The following COL15A1 variants were observed in gnomAD, a reference collection of about 807,000 sequenced individuals.
COL15A1 encodes the protein collagen type XV alpha 1 chain.
Under a neutral mutation model 165.9 loss-of-function variants are expected in COL15A1, and 111 were observed. The observed-to-expected ratio is 0.67, with a 90% CI of 0.57 to 0.78. The LOEUF (loss-of-function observed/expected upper bound fraction) is 0.78. Among genes scored for constraint, COL15A1 ranks in the 30% least tolerant of loss-of-function variants. The pLI is 0.00. For missense variants in COL15A1, 1,745 were observed against 1,789.7 expected (o/e 0.98, Z 0.45); for synonymous variants, 659 against 674.8 (o/e 0.98, Z 0.36).
intron 2 of COL15A1, among the ~76,000 whole-genome samples, chr9:98,959,978 C>T (rs956337786): frequency 8.5e-5 from 13 of 152,186 alleles, no homozygotes; most frequent in African/African-American, 2.7e-4. Context: ...TGCATGTTCC[C>T]TTCTCCAAGC....
chr9:98,963,637 G>A (rs4742750), intron 2 of COL15A1, among the ~76,000 whole-genome samples: 24,304 of 152,148 alleles, frequency 0.16, 2,074 homozygotes, highest in African/African-American at 0.19. Context: ...TTTAAATCCT[G>A]GTTCAACACT....
chr9:99,004,799 G>A, intron 8 of COL15A1, 99 bp from the exon 9 acceptor site: 1 of 1,327,784 alleles, frequency 7.5e-7, no homozygotes, highest in Non-Finnish European at 1.1e-6. Context: ...GTCTTGGTGT[G>A]CAGGTGCTTT....
rs1837536867 is a variant in COL15A1 at position 98,944,235 on chromosome 9, A to C, written c.85A>C (p.Thr29Pro). ...CACGCCCCTCCCTGCTGTCACCCAGACCCGCGGTGCGACAGGTAAGCAACC... is the reference window on the plus strand; with the variant it reads ...CACGCCCCTCCCTGCTGTCACCCAGCCCCGCGGTGCGACAGGTAAGCAACC... The part of the protein sequence containing the change: ...VSTPLPAVTQ[T>P]RGATETASQG... The change falls in exon 2 of 42, where the codon ACC (threonine) becomes CCC (proline). Residue 29 changes from threonine to proline, a missense_variant. Coordinates refer to ENST00000375001, the MANE Select transcript of COL15A1 (RefSeq NM_001855.5). 3 of 1,613,528 alleles carry C rather than the reference A, an allele frequency of 1.9e-6. No individual in the cohort carries two copies. In the South Asian group the frequency reaches 3.3e-5, roughly 18 times the overall value.
At chr9:99,058,015 G>T (rs1263701586) in intron 35 of COL15A1, among the ~76,000 whole-genome samples, 1 of 152,146 alleles carries the variant, frequency 6.6e-6, no homozygotes, top group Non-Finnish European at 1.5e-5. Flanking sequence ...TAGATAAACA[G>T]CTGGACCTCA....
intron 11 of COL15A1, among the ~76,000 whole-genome samples, chr9:99,018,997 C>A (rs1422895450): frequency 6.6e-6 from 1 of 152,018 alleles, no homozygotes; most frequent in Non-Finnish European, 1.5e-5. Flanking sequence ...GAGACAGACA[C>A]AGAGAGAGTT....
chr9:99,000,720 T>C (rs1351707178), intron 6 of COL15A1, 119 bp from the exon 7 acceptor site: 1 of 673,836 alleles, frequency 1.5e-6, no homozygotes, highest in African/African-American at 1.8e-5. Flanking sequence ...TTTTTCCCCC[T>C]CTTGACCCTG....
intron 9 of COL15A1, among the ~76,000 whole-genome samples, chr9:99,009,217 G>A (rs1257173790): frequency 6.6e-6 from 1 of 152,192 alleles, no homozygotes; most frequent in African/African-American, 2.4e-5. Flanking sequence ...AACAACTGTG[G>A]ATGACAAAAG....
Position 99,061,966 on chromosome 9 carries a change from G to T in COL15A1, c.3403-5G>T, listed in dbSNP as rs1263190539. On this transcript the variant is annotated splice_polypyrimidine_tract_variant and splice_region_variant and intron_variant, in intron 36 of 41. Transcript: ENST00000375001. ...GCAGTGTTTGGAATTTAAATGATCT[G>T]ACAGGTCACAGCATTCAGCAACATG... 1.9e-6 allele frequency: 3 copies of T among 1,609,554 alleles called. No homozygotes were observed. The highest frequency in any genetic ancestry group is 2.5e-6 in the Non-Finnish European group (3 of 1,178,624).
Position 98,976,591 on chromosome 9 carries a change from T to C in COL15A1, c.101-8974T>C, listed in dbSNP as rs113683958. Among the ~76,000 whole-genome samples, 213 of 152,262 alleles carry C rather than the reference T, an allele frequency of 1.4e-3. 1 individual carries two copies. Among genetic ancestry groups the C allele is most frequent in the African/African-American group, 5.0e-3 (206 of 41,556 alleles). ...CATGCAGTGAGGTCACTGTTGGATG[T>C]CAGACTGGAGCCCGACCTCAGTGAC... is the stretch of plus-strand genomic sequence containing the variant. On this transcript the variant is annotated intron_variant, in intron 2 of 41. Transcript: ENST00000375001.
chr9:98,960,643 T>A (rs768674567), intron 2 of COL15A1, among the ~76,000 whole-genome samples: 7 of 152,194 alleles, frequency 4.6e-5, no homozygotes, highest in Non-Finnish European at 1.0e-4. Flanking sequence ...AGGCTCTGCA[T>A]GTATCAGTTG....
At chr9:98,984,735 A>G (rs1420901864) in intron 2 of COL15A1, among the ~76,000 whole-genome samples, 1 of 152,176 alleles carries the variant, frequency 6.6e-6, no homozygotes, top group African/African-American at 2.4e-5. Flanking sequence ...TTCCCTGCAC[A>G]CTCAGAGGCA....
In COL15A1 at chr9:99,020,440, A is replaced by G. The variant is rs1218817488; in HGVS notation, c.1699A>G (p.Lys567Glu). ...MKGQAGPKGE[K>E]GDAGEELPGP... is the part of the protein sequence containing the mutation. The stretch of plus-strand genomic sequence containing the variant: ...AGGACAGGCTGGGCCCAAAGGAGAA[A>G]AGGTTTGTGCTGTGACCATCCTGGG... The change falls in exon 12 of 42, where the codon AAG becomes GAG. Residue 567 changes from lysine (K) to glutamate (E), a missense_variant and splice_region_variant. Lys to Glu is a moderately conservative substitution (Grantham distance 56). Coordinates refer to ENST00000375001, the MANE Select transcript of COL15A1 (RefSeq NM_001855.5). 5 of 1,610,242 alleles carry G rather than the reference A, an allele frequency of 3.1e-6. No individual in the cohort carries two copies. The highest frequency in any genetic ancestry group is 4.3e-6 in the Non-Finnish European group (5 of 1,176,444).
intron 5 of COL15A1, among the ~76,000 whole-genome samples, chr9:98,992,269 C>A (rs908770910): frequency 3.3e-5 from 5 of 152,256 alleles, no homozygotes; most frequent in African/African-American, 1.2e-4. Flanking sequence ...CGGCTGAGGC[C>A]CAGTGAGAAT....
chr9:98,969,344 C>T (rs75906826), intron 2 of COL15A1, among the ~76,000 whole-genome samples: 2,287 of 152,310 alleles, frequency 0.015, 143 homozygotes, highest in East Asian at 0.11. Context: ...AAAACTCTCT[C>T]CTGAAGTAGG....
intron 12 of COL15A1, among the ~76,000 whole-genome samples, chr9:99,021,344 G>A (rs1356272385): frequency 2.4e-5 from 3 of 124,002 alleles, no homozygotes; most frequent in African/African-American, 3.5e-5. Context: ...CTACCTCAGT[G>A]GACTTCAGAT....
intron 15 of COL15A1, among the ~76,000 whole-genome samples, 199 bp from the exon 16 acceptor site, chr9:99,025,704 TG>T (rs1004342934): frequency 6.6e-6 from 1 of 151,884 alleles, no homozygotes; most frequent in Non-Finnish European, 1.5e-5. Context: ...ATCCAGAGAG[TG>T]AAGGACAGTT....
chr9:99,008,856 T>A (rs1352639951), intron 9 of COL15A1, among the ~76,000 whole-genome samples: 1 of 152,188 alleles, frequency 6.6e-6, no homozygotes, highest in African/African-American at 2.4e-5. Context: ...ATGATCCACC[T>A]GCCTCAGCCT....
intron 14 of COL15A1, among the ~76,000 whole-genome samples, chr9:99,024,451 A>AT (rs1460472580): frequency 1.3e-5 from 2 of 151,686 alleles, no homozygotes; most frequent in Non-Finnish European, 2.9e-5. Context: ...CGCCCGGCTA[A>AT]TTTTTTGTAT....
intron 2 of COL15A1, among the ~76,000 whole-genome samples, chr9:98,971,562 A>G (rs1179285131): frequency 6.6e-6 from 1 of 152,060 alleles, no homozygotes; most frequent in Non-Finnish European, 1.5e-5. Context: ...CCTAGTCCAC[A>G]TGGTCCCTGG....
Sources: gnomAD v4.1 joint callset for allele counts (sites outside exome capture counted in the v4.1 genomes callset) on GRCh38, gnomAD v4.1.1 for gene constraint, MANE v1.5 for transcripts, NCBI Gene and HGNC (gene_info 2026-07-23, HGNC 2026-07-21) for gene names.